TCF12: variants seen among roughly 807,000 people sequenced by gnomAD.
TCF12 encodes DNA-binding protein HTF4.
Under a neutral mutation model 86.0 loss-of-function variants are expected in TCF12, and 45 were observed. The observed-to-expected ratio is 0.52, with a 90% CI of 0.41 to 0.67. TCF12 has a LOEUF of 0.67. Among genes scored for constraint, TCF12 ranks in the 30% least tolerant of loss-of-function variants. The pLI is 0.00. For missense variants in TCF12, 881 were observed against 859.9 expected, an observed-to-expected ratio of 1.02 and a Z score of -0.31; for synonymous variants, 330 against 299.6, an observed-to-expected ratio of 1.10 and a Z score of -1.05.
At position 57,287,560 on chromosome 15, in the gene TCF12, T is replaced by C. The variant is rs1380636164; in HGVS notation, c.*1415T>C. ...AAGACATAATCACTTTGAACTTCCA[T>C]GAAACCTGTCTTCCACCACAACAAC... On this transcript the variant is annotated 3_prime_UTR_variant, in exon 21 of 21. Transcript: ENST00000333725. 1 of 152,664 alleles carries C rather than the reference T, an allele frequency of 6.6e-6. No homozygotes were observed. The highest frequency in any genetic ancestry group is 1.5e-5 in the Non-Finnish European group (1 of 68,042). 9.5% of individuals were successfully genotyped at this position (152,664 alleles called of 1,614,324 possible).
intron 3 of TCF12, among the ~76,000 whole-genome samples, chr15:57,030,987 A>G (rs1377513925): frequency 6.6e-6 from 1 of 152,232 alleles, no homozygotes; most frequent in Non-Finnish European, 1.5e-5. Context: ...GTTGATGCCA[A>G]CCACTTGACT....
intron 5 of TCF12, among the ~76,000 whole-genome samples, chr15:57,164,425 C>G (rs2054718391): frequency 6.6e-6 from 1 of 152,126 alleles, no homozygotes; most frequent in African/African-American, 2.4e-5. Flanking sequence ...CAAAAGTGTC[C>G]TCCTTCACAT....
At chr15:57,046,955 G>A (rs1489077165) in intron 3 of TCF12, among the ~76,000 whole-genome samples, 2 of 152,140 alleles carry the variant, frequency 1.3e-5, no homozygotes, top group East Asian at 1.9e-4. Context: ...TGTTGATGAT[G>A]TAATTGAGGA....
At chr15:57,178,560 A>C (rs1263503086) in intron 6 of TCF12, among the ~76,000 whole-genome samples, 3 of 152,240 alleles carry the variant, frequency 2.0e-5, no homozygotes, top group African/African-American at 7.2e-5. Context: ...CACGAATACC[A>C]AAGAGAAATA....
intron 6 of TCF12, among the ~76,000 whole-genome samples, chr15:57,176,133 G>A (rs970047861): frequency 2.6e-5 from 4 of 152,196 alleles, no homozygotes; most frequent in Non-Finnish European, 4.4e-5. Flanking sequence ...AGGAGTTCAA[G>A]GTTACAGTGA....
chr15:57,083,947 G>T (rs2048469834), intron 4 of TCF12, among the ~76,000 whole-genome samples: 1 of 152,022 alleles, frequency 6.6e-6, no homozygotes, highest in Non-Finnish European at 1.5e-5. Context: ...CCGGCCTGTT[G>T]TTATAAAATA....
chr15:57,121,762 T>C (rs1402918849), intron 5 of TCF12, among the ~76,000 whole-genome samples: 1 of 152,210 alleles, frequency 6.6e-6, no homozygotes, highest in African/African-American at 2.4e-5. Context: ...TGTTTGTAAA[T>C]TACCGATTCT....
chr15:56,941,428 A>G (rs1299495388), intron 3 of TCF12, among the ~76,000 whole-genome samples: 1 of 150,838 alleles, frequency 6.6e-6, no homozygotes, highest in Non-Finnish European at 1.5e-5. Flanking sequence ...GCTGGAGTAC[A>G]GTGGTGTGAT....
At chr15:57,073,538 A>G (rs1354573854) in intron 4 of TCF12, among the ~76,000 whole-genome samples, 1 of 152,212 alleles carries the variant, frequency 6.6e-6, no homozygotes, top group Non-Finnish European at 1.5e-5. Context: ...GCCATTTTTA[A>G]AATCTTCTCC....
At chr15:57,017,762 T>G (rs1428315735) in intron 3 of TCF12, among the ~76,000 whole-genome samples, 1 of 149,050 alleles carries the variant, frequency 6.7e-6, no homozygotes, top group African/African-American at 2.4e-5. Flanking sequence ...ATTGCCTCAT[T>G]CTTTAGATTT....
intron 3 of TCF12, among the ~76,000 whole-genome samples, chr15:57,042,057 G>A (rs1160095339): frequency 3.3e-5 from 5 of 152,064 alleles, no homozygotes; most frequent in African/African-American, 4.8e-5. Flanking sequence ...TCTAGCCATT[G>A]CCTGCATGCC....
At chr15:56,946,260 A>G (rs957807340) in intron 3 of TCF12, among the ~76,000 whole-genome samples, 1 of 152,066 alleles carries the variant, frequency 6.6e-6, no homozygotes, top group Non-Finnish European at 1.5e-5. Context: ...ATACTGTTCC[A>G]CGGGTTCTCT....
At chr15:57,019,128 A>T (rs752493933) in intron 3 of TCF12, among the ~76,000 whole-genome samples, 2 of 152,226 alleles carry the variant, frequency 1.3e-5, no homozygotes, top group African/African-American at 2.4e-5. Flanking sequence ...AAAGTAGGCA[A>T]AGTTCTAATA....
intron 3 of TCF12, among the ~76,000 whole-genome samples, chr15:57,058,947 G>A (rs1469756422): frequency 6.6e-6 from 1 of 152,006 alleles, no homozygotes; most frequent in Admixed American, 6.6e-5. Context: ...CTTATCTAAA[G>A]GAATATCCTT....
intron 3 of TCF12, among the ~76,000 whole-genome samples, chr15:57,025,082 T>A (rs558405928): frequency 1.1e-5 from 1 of 95,232 alleles, no homozygotes; most frequent in East Asian, 3.0e-4. Flanking sequence ...CCCCGCTACC[T>A]TTTTTTTTTT....
rs200101750 is a variant in TCF12 at position 57,013,035 on chromosome 15, AT to A, written c.149-50703del. ...GATCATTATATGTAAGATACCGCAGATTTTTTTTTTTTATGTGTGTGAAACT... is the reference window on the plus strand; with the variant it reads ...GATCATTATATGTAAGATACCGCAGATTTTTTTTTTTATGTGTGTGAAACT... On this transcript the variant is annotated intron_variant, in intron 3 of 20. Coordinates refer to ENST00000333725, the MANE Select transcript of TCF12 (RefSeq NM_207037.2). Among the ~76,000 whole-genome samples the A allele has an allele frequency of 2.1e-3, 310 of 146,252 alleles. 2 individuals are homozygous for A. The highest frequency in any genetic ancestry group is 0.021 in the East Asian group (104 of 5,052).
At chr15:57,073,156 C>T (rs943837354) in intron 4 of TCF12, among the ~76,000 whole-genome samples, 5 of 152,308 alleles carry the variant, frequency 3.3e-5, no homozygotes, top group Non-Finnish European at 4.4e-5. Flanking sequence ...AATTTCTCAC[C>T]TTACTGTGAT....
chr15:56,992,526 T>A (rs2063505797), intron 3 of TCF12, among the ~76,000 whole-genome samples: 1 of 152,228 alleles, frequency 6.6e-6, no homozygotes, highest in Non-Finnish European at 1.5e-5. Flanking sequence ...TGAATGGTGA[T>A]TCTTACCTAA....
At chr15:57,007,936 C>G (rs1164762048) in intron 3 of TCF12, among the ~76,000 whole-genome samples, 1 of 125,796 alleles carries the variant, frequency 7.9e-6, no homozygotes, top group Non-Finnish European at 1.7e-5. Context: ...TTCTTTGTTT[C>G]TTTCTTTTTT....
Sources: gnomAD v4.1 joint callset for allele counts (sites outside exome capture counted in the v4.1 genomes callset) on GRCh38, gnomAD v4.1.1 for gene constraint, MANE v1.5 for transcripts, NCBI Gene and HGNC (gene_info 2026-07-23, HGNC 2026-07-21) for gene names.